IL1RAP: variants seen among roughly 807,000 people sequenced by gnomAD.
IL1RAP encodes the protein interleukin 1 receptor accessory protein.
IL1RAP carries 35 observed loss-of-function variants against 60.7 expected under a neutral mutation model. The observed-to-expected ratio is 0.58, with a 90% CI of 0.44 to 0.76. IL1RAP has a LOEUF of 0.76. Ranked by LOEUF, IL1RAP falls within the 30% of genes least tolerant of loss-of-function variation. IL1RAP has a pLI of 0.00. For synonymous variants in IL1RAP, 268 were observed against 250.9 expected, an observed-to-expected ratio of 1.07 and a Z score of -0.64; for missense variants, 572 against 693.9, an observed-to-expected ratio of 0.82 and a Z score of 1.97.
chr3:190,587,329 G>C (rs1286636773), intron 3 of IL1RAP, among the ~76,000 whole-genome samples: 1 of 152,154 alleles, frequency 6.6e-6, no homozygotes, highest in Non-Finnish European at 1.5e-5. Context: ...TGTTAAATGA[G>C]GGCCATAATA....
intron 3 of IL1RAP, among the ~76,000 whole-genome samples, chr3:190,571,673 A>G (rs904181770): frequency 6.6e-6 from 1 of 152,226 alleles, no homozygotes; most frequent in Admixed American, 6.5e-5. Flanking sequence ...CATATGTATT[A>G]CCTAACATAG....
At position 190,525,527 on chromosome 3, in the gene IL1RAP, G is replaced by A. The variant is rs532994500; in HGVS notation, c.-89+11308G>A. Among the ~76,000 whole-genome samples the A allele has an allele frequency of 2.6e-5, 4 of 152,304 alleles. No individual in the cohort carries two copies. In the South Asian group the frequency reaches 8.3e-4, roughly 32 times the overall value. ...CAGACAGAAGCAGGATGATGAGCAGGTCAAAGGTGTTTAGAGCCTTGAACA... is the reference window on the plus strand; with the variant it reads ...CAGACAGAAGCAGGATGATGAGCAGATCAAAGGTGTTTAGAGCCTTGAACA... On this transcript the variant is annotated intron_variant, in intron 1 of 11. Coordinates refer to ENST00000447382, the MANE Select transcript of IL1RAP (RefSeq NM_002182.4).
chr3:190,648,291 G>A (rs1354178535), intron 11 of IL1RAP, 47 bp from the exon 12 acceptor site: 1 of 1,527,198 alleles, frequency 6.5e-7, no homozygotes, highest in Non-Finnish European at 8.7e-7. Flanking sequence ...AATGCTTTTG[G>A]GGAGTTTTTG....
chr3:190,651,186 G>C lies in IL1RAP; in HGVS notation c.*2481G>C, dbSNP rs902115990. 1 of 980,326 alleles carries C rather than the reference G, an allele frequency of 1.0e-6. No individual in the cohort carries two copies. The highest frequency in any genetic ancestry group is 1.2e-6 in the Non-Finnish European group (1 of 826,574). 60.7% of individuals were successfully genotyped at this position (980,326 alleles called of 1,614,324 possible). ...TCAAATTTTTTTAAAAAAAATTAATGGTTTTAAATATATGCTATAGGGACG... is the reference window on the plus strand; with the variant it reads ...TCAAATTTTTTTAAAAAAAATTAATCGTTTTAAATATATGCTATAGGGACG... On this transcript the variant is annotated 3_prime_UTR_variant, in exon 12 of 12. Coordinates refer to ENST00000447382, the MANE Select transcript of IL1RAP (RefSeq NM_002182.4).
intron 1 of IL1RAP, among the ~76,000 whole-genome samples, chr3:190,547,112 A>G (rs760790229): frequency 4.6e-5 from 7 of 152,192 alleles, no homozygotes; most frequent in Non-Finnish European, 8.8e-5. Context: ...GATAAGGCAT[A>G]CTTGTTGAAA....
chr3:190,548,803 G>A (rs1724603419), intron 1 of IL1RAP, among the ~76,000 whole-genome samples: 2 of 152,166 alleles, frequency 1.3e-5, no homozygotes, highest in African/African-American at 4.8e-5. Flanking sequence ...GGAAAGTTAA[G>A]ACTTATTTCC....
chr3:190,634,841 G>C (rs528044928), intron 9 of IL1RAP, among the ~76,000 whole-genome samples: 1 of 151,562 alleles, frequency 6.6e-6, no homozygotes, highest in Non-Finnish European at 1.5e-5. Context: ...TCAGCCTCCC[G>C]AGTAGCTGGG....
intron 3 of IL1RAP, among the ~76,000 whole-genome samples, chr3:190,586,682 G>C (rs1289295436): frequency 6.6e-6 from 1 of 152,218 alleles, no homozygotes; most frequent in East Asian, 1.9e-4. Context: ...AGTCATGCCT[G>C]ACTATACTTA....
chr3:190,572,101 A>G (rs747196480), intron 3 of IL1RAP, among the ~76,000 whole-genome samples: 2 of 152,120 alleles, frequency 1.3e-5, no homozygotes, highest in African/African-American at 2.4e-5. Flanking sequence ...TGATGACCAG[A>G]TGCAAAAACC....
chr3:190,539,936 A>C (rs979318370), intron 1 of IL1RAP, among the ~76,000 whole-genome samples: 5 of 151,714 alleles, frequency 3.3e-5, no homozygotes, highest in Non-Finnish European at 5.9e-5. Flanking sequence ...TTTATTGGCT[A>C]TTTTTTTTAA....
chr3:190,627,084 C>T (rs981581356), intron 7 of IL1RAP, among the ~76,000 whole-genome samples: 9 of 151,854 alleles, frequency 5.9e-5, no homozygotes, highest in African/African-American at 2.2e-4. Context: ...TTTGGTTTCG[C>T]TTGTTTGTTT....
intron 9 of IL1RAP, among the ~76,000 whole-genome samples, chr3:190,632,985 T>C (rs1252279651): frequency 6.6e-6 from 1 of 152,244 alleles, no homozygotes; most frequent in Non-Finnish European, 1.5e-5. Flanking sequence ...CTGGTTAACA[T>C]AGTTTTAAAA....
At chr3:190,540,548 T>G (rs1292187430) in intron 1 of IL1RAP, among the ~76,000 whole-genome samples, 5 of 152,200 alleles carry the variant, frequency 3.3e-5, no homozygotes, top group African/African-American at 1.2e-4. Flanking sequence ...CTTTTTTTTT[T>G]CCTCCTAAGA....
At chr3:190,593,602 T>C (rs1345563148) in intron 3 of IL1RAP, among the ~76,000 whole-genome samples, 1 of 152,076 alleles carries the variant, frequency 6.6e-6, no homozygotes, top group African/African-American at 2.4e-5. Context: ...AGTCACGTCT[T>C]ACATGTCAGC....
chr3:190,553,370 A>T (rs1725039666), intron 1 of IL1RAP, among the ~76,000 whole-genome samples: 1 of 152,266 alleles, frequency 6.6e-6, no homozygotes, highest in South Asian at 2.1e-4. Context: ...AAACACAAAC[A>T]AAAAATAAAT....
Position 190,649,334 on chromosome 3 carries a change from A to G in IL1RAP, c.*629A>G. 2.0e-6 allele frequency: 2 copies of G among 985,030 alleles called. No homozygotes were observed. Among genetic ancestry groups the G allele is most frequent in the Non-Finnish European group, 2.4e-6 (2 of 829,158 alleles). The allele number at this position is 985,030 out of a possible 1,614,324, so 61.0% of individuals were successfully genotyped here. ...CCCTTGTCCTCATCTCAGGTAATTT[A>G]TGAAATCTATGTAAACTTGAAAAAT... is the stretch of plus-strand genomic sequence containing the variant. On this transcript the variant is annotated 3_prime_UTR_variant, in exon 12 of 12. Coordinates refer to ENST00000447382, the MANE Select transcript of IL1RAP (RefSeq NM_002182.4).
chr3:190,515,873 C>T (rs147466348), intron 1 of IL1RAP, among the ~76,000 whole-genome samples: 2 of 151,978 alleles, frequency 1.3e-5, no homozygotes, highest in African/African-American at 4.8e-5. Context: ...AGAGATGCTG[C>T]TAAATGCAAA....
At chr3:190,609,220 CT>C (rs2108764915) in intron 5 of IL1RAP, 39 bp downstream of exon 5, 1 of 1,368,858 alleles carries the variant, frequency 7.3e-7, no homozygotes, top group Non-Finnish European at 1.0e-6. Context: ...TCTCTAATGG[CT>C]TATAAAATGA....
rs1244393421 is a variant in IL1RAP at position 190,556,126 on chromosome 3, A to G, written c.-88-4A>G. The G allele has an allele frequency of 6.6e-6, 1 of 152,280 alleles. No homozygotes were observed. Among genetic ancestry groups the G allele is most frequent in the South Asian group, 2.1e-4 (1 of 4,832 alleles). 9.4% of individuals were successfully genotyped at this position (152,280 alleles called of 1,614,324 possible). On this transcript the variant is annotated splice_region_variant and splice_polypyrimidine_tract_variant and intron_variant, in intron 1 of 11. Coordinates refer to ENST00000447382, the MANE Select transcript of IL1RAP (RefSeq NM_002182.4). ...TGTTCAACTTTTTCATTTTGTTTAC[A>G]TAGGCATCGTCATGTGATCATCACC... is the stretch of plus-strand genomic sequence containing the variant.
Sources: gnomAD v4.1 joint callset for allele counts (sites outside exome capture counted in the v4.1 genomes callset) on GRCh38, gnomAD v4.1.1 for gene constraint, MANE v1.5 for transcripts, NCBI Gene and HGNC (gene_info 2026-07-23, HGNC 2026-07-21) for gene names.